The following GTPBP1 variants were observed in gnomAD, a reference collection of about 807,000 sequenced individuals.
The protein encoded by GTPBP1 is GTP binding protein 1, also known as GTP-binding protein 1.
GTPBP1 carries 23 observed loss-of-function variants against 62.0 expected under a neutral mutation model. The ratio of observed to expected loss-of-function variants is 0.37; its 90% confidence interval spans 0.27 to 0.53. The LOEUF is 0.53. Among genes scored for constraint, GTPBP1 ranks in the 20% least tolerant of loss-of-function variants. The probability of loss-of-function intolerance (pLI) is 0.89; values close to 1 mark genes in which losing one functional copy is unlikely to be tolerated. For missense variants in GTPBP1, 640 were observed against 917.3 expected, an observed-to-expected ratio of 0.70 and a Z score of 3.90; for synonymous variants, 344 against 364.4, an observed-to-expected ratio of 0.94 and a Z score of 0.64.
At chr22:38,737,384 C>G (rs1347616820), downstream of GTPBP1, among the ~76,000 whole-genome samples, 1 of 152,142 alleles carries the variant, frequency 6.6e-6, no homozygotes, top group Non-Finnish European at 1.5e-5. This position sits in a 1 kb window ranked among gnomAD's most constrained non-coding sequence, Gnocchi z 4.1. Flanking sequence ...TTTGTCCTCA[C>G]TCCCAACGCC....
At chr22:38,739,022 G>T (rs761966008), downstream of GTPBP1, 1 of 1,576,658 alleles carries the variant, frequency 6.3e-7, no homozygotes, top group Non-Finnish European at 8.6e-7. This position sits in a 1 kb window ranked among gnomAD's most constrained non-coding sequence, Gnocchi z 6.7. Flanking sequence ...GTGGGCTCCC[G>T]CACGGGAGGA....
Position 38,728,452 on chromosome 22 carries a change from T to A in GTPBP1, c.1716+291T>A, listed in dbSNP as rs950754951. On this transcript the variant is annotated intron_variant, in intron 10 of 11. Coordinates refer to ENST00000216044, the MANE Select transcript of GTPBP1 (RefSeq NM_004286.5). The stretch of plus-strand genomic sequence containing the variant: ...GCCAGGCTCAGCCTCCAGGGTGCTG[T>A]CACAGGTTCCTATGGCCTCACTGGG... The A allele has an allele frequency of 9.4e-6, 4 of 426,178 alleles. No individual in the cohort carries two copies. The Admixed American group carries it at 1.4e-4, about 15-fold the overall frequency. 26.4% of individuals were successfully genotyped at this position (426,178 alleles called of 1,614,324 possible).
intron 2 of GTPBP1, among the ~76,000 whole-genome samples, chr22:38,713,240 T>C (rs2092650074): frequency 6.6e-6 from 1 of 152,110 alleles, no homozygotes; most frequent in Non-Finnish European, 1.5e-5. Flanking sequence ...ACTTGCACCA[T>C]GACAGAGCTT....
Position 38,732,543 on chromosome 22 carries a change from G to C in GTPBP1, c.*1839G>C, listed in dbSNP as rs1265991874. The stretch of plus-strand genomic sequence containing the variant: ...CTGGGGTGTCCTACACAAGGGAAAG[G>C]CTTGCTCAGTGAGCGGTCTGCACAC... On this transcript the variant is annotated 3_prime_UTR_variant, in exon 12 of 12. Coordinates refer to ENST00000216044, the MANE Select transcript of GTPBP1 (RefSeq NM_004286.5). 1.3e-5 allele frequency: 2 copies of C among 152,258 alleles called. No homozygotes were observed. The highest frequency in any genetic ancestry group is 4.8e-5 in the African/African-American group (2 of 41,468). 9.4% of individuals were successfully genotyped at this position (152,258 alleles called of 1,614,324 possible). A position where few individuals can be genotyped will look rare whatever the true frequency, so the allele number is the denominator to read the frequency against.
chr22:38,734,262 G>A (rs1036365801), downstream of GTPBP1: 4 of 464,648 alleles, frequency 8.6e-6, no homozygotes, highest in Non-Finnish European at 1.8e-5. Context: ...GGAAAGGTCA[G>A]GGCCTGTTTT....
intron 5 of GTPBP1, chr22:38,723,254 T>C (rs1231922566): frequency 3.9e-6 from 4 of 1,023,394 alleles, no homozygotes; most frequent in Non-Finnish European, 4.7e-6. Context: ...AAGGCTTAGG[T>C]CTTTGAACTC....
At chr22:38,728,447 T>A in intron 10 of GTPBP1, 1 of 431,618 alleles carries the variant, frequency 2.3e-6, no homozygotes, top group Non-Finnish European at 4.3e-6. Flanking sequence ...GCCTCCAGGG[T>A]GCTGTCACAG....
chr22:38,728,218 C>A, intron 10 of GTPBP1, 57 bp downstream of exon 10: 1 of 1,252,980 alleles, frequency 8.0e-7, no homozygotes. Context: ...CACTCCTGTT[C>A]TGTGACCCTG....
At chr22:38,741,055 G>GT, downstream of GTPBP1, 1 of 1,595,378 alleles carries the variant, frequency 6.3e-7, no homozygotes, top group South Asian at 1.1e-5. Flanking sequence ...GGACTCCTGT[G>GT]TAGGAAGAAG....
At position 38,733,195 on chromosome 22, in the gene GTPBP1, G is replaced by T. The variant is rs2092772245; in HGVS notation, c.*2491G>T. 1 of 152,306 alleles carries T rather than the reference G, an allele frequency of 6.6e-6. No individual in the cohort carries two copies. 9.4% of individuals were successfully genotyped at this position (152,306 alleles called of 1,614,324 possible). On this transcript the variant is annotated 3_prime_UTR_variant, in exon 12 of 12. Transcript: ENST00000216044. ...GCCCTGCTTACAGGGGCCACTACCT[G>T]CTGGTGCCTCCATAACAAGCGTCTG...
intron 4 of GTPBP1, among the ~76,000 whole-genome samples, chr22:38,720,636 T>C (rs2092695079): frequency 6.6e-6 from 1 of 152,232 alleles, no homozygotes; most frequent in Non-Finnish European, 1.5e-5. Context: ...AAAAATTTCT[T>C]CTTTTGTACA....
chr22:38,737,383 A>C, downstream of GTPBP1, among the ~76,000 whole-genome samples: 2 of 150,418 alleles, frequency 1.3e-5, no homozygotes, highest in African/African-American at 4.9e-5. The surrounding 1 kb of genome is among the most constrained non-coding windows in gnomAD (Gnocchi z 4.1). Context: ...CTTTGTCCTC[A>C]CTCCCAACGC....
At position 38,706,161 on chromosome 22, in the gene GTPBP1, G is replaced by C; in HGVS notation, c.192+14G>C. ...CTCACCAGCAAGGTAGGCCCGGGCG[G>C]CGGCGGCGGGCGCTGAGGGGAGCGG... On this transcript the variant is annotated intron_variant, in intron 1 of 11. Transcript: ENST00000216044. 1 of 1,233,028 alleles carries C rather than the reference G, an allele frequency of 8.1e-7. No individual in the cohort carries two copies. The highest frequency in any genetic ancestry group is 1.0e-6 in the Non-Finnish European group (1 of 987,118). The allele number at this position is 1,233,028 out of a possible 1,614,324, so 76.4% of individuals were successfully genotyped here.
chr22:38,729,484 C>G lies in GTPBP1; in HGVS notation c.1739C>G (p.Ser580Cys). ...CAGCTCCTCCAGACCACCAACAACTCCCCAATGAACTCCAAGCCGCAGCAG... is the reference window on the plus strand; with the variant it reads ...CAGCTCCTCCAGACCACCAACAACTGCCCAATGAACTCCAAGCCGCAGCAG... ...ITKLLQTTNN[S>C]PMNSKPQQIK... The change falls in exon 11 of 12, where the codon TCC (serine) becomes TGC (cysteine). Residue 580 changes from serine (S) to cysteine (C), a missense_variant. By Grantham distance (112) the Ser-to-Cys change is moderately radical. This residue lies in a region of GTPBP1 where 220 missense variants were observed against 358.1 expected (regional missense o/e 0.61). Coordinates refer to ENST00000216044, the MANE Select transcript of GTPBP1 (RefSeq NM_004286.5). 6.2e-7 allele frequency: 1 copy of G among 1,608,436 alleles called. No homozygotes were observed. The highest frequency in any genetic ancestry group is 8.5e-7 in the Non-Finnish European group (1 of 1,177,706).
At chr22:38,735,406 C>T, downstream of GTPBP1, 1 of 353,136 alleles carries the variant, frequency 2.8e-6, no homozygotes, top group African/African-American at 2.1e-5. Context: ...ACTCTTCTTG[C>T]TATAACCCCA....
intron 6 of GTPBP1, 183 bp from the exon 7 acceptor site, chr22:38,725,823 C>CTT (rs1315448281): frequency 1.6e-6 from 1 of 623,892 alleles, no homozygotes; most frequent in African/African-American, 1.8e-5. Flanking sequence ...GTAGGGCTGG[C>CTT]CAGGAGCTTG....
chr22:38,715,889 C>T lies in GTPBP1; in HGVS notation c.305-18C>T. On this transcript the variant is annotated intron_variant, in intron 2 of 11. Coordinates refer to ENST00000216044, the MANE Select transcript of GTPBP1 (RefSeq NM_004286.5). ...TCAGGACTCCCTCTCCTGCTGATGT[C>T]TGGGCTCTTGTCACCAGATGGGACT... 2 of 1,590,534 alleles carry T rather than the reference C, an allele frequency of 1.3e-6. No individual in the cohort carries two copies. The highest frequency in any genetic ancestry group is 8.6e-7 in the Non-Finnish European group (1 of 1,167,766).
chr22:38,706,245 G>A (rs2145832261), intron 1 of GTPBP1, 98 bp downstream of exon 1: 2 of 790,418 alleles, frequency 2.5e-6, no homozygotes, highest in South Asian at 6.2e-5. Flanking sequence ...CTGTCCGCGG[G>A]GAGCGCGGAA....
chr22:38,708,900 G>T lies in GTPBP1; in HGVS notation c.248G>T (p.Trp83Leu), dbSNP rs775038095. Residue 83 changes from tryptophan to leucine, a missense_variant, in exon 2 of 12, where the codon TGG (tryptophan) becomes TTG (leucine). Around this residue, in one of 4 missense-constraint regions of GTPBP1, gnomAD observed 215 missense variants for 235.1 expected, o/e 0.91. Transcript: ENST00000216044. ...EQYDSLLRQM[W>L]ERMDEGCGET... ...TATGACAGCCTACTTCGGCAGATGT[G>T]GGAGAGGATGGACGAGGGATGCGGA... The T allele has an allele frequency of 8.1e-6, 13 of 1,611,740 alleles. No individual in the cohort carries two copies. Among genetic ancestry groups the T allele is most frequent in the Admixed American group, 3.3e-5 (2 of 60,026 alleles).
Sources: gnomAD v4.1 joint callset for allele counts (sites outside exome capture counted in the v4.1 genomes callset) on GRCh38, gnomAD v4.1.1 for gene constraint, gnomAD v4.1.1 regional missense constraint, Gnocchi (gnomAD v3.1) non-coding constraint, MANE v1.5 for transcripts, NCBI Gene and HGNC (gene_info 2026-07-23, HGNC 2026-07-21) for gene names.